Variants in SLC66A2 observed in about 807,000 individuals in gnomAD.
SLC66A2 encodes the protein PQ loop repeat containing 1.
SLC66A2 carries 23 observed loss-of-function variants against 25.5 expected under a neutral mutation model. The ratio of observed to expected loss-of-function variants is 0.90; its 90% CI spans 0.65 to 1.28. The LOEUF is 1.28. Among genes scored for constraint, SLC66A2 ranks in the 50% most tolerant of loss-of-function variants. SLC66A2 has a pLI of 0.00. For missense variants in SLC66A2, 396 were observed against 373.1 expected (o/e 1.06, Z -0.51); for synonymous variants, 193 against 166.5 (o/e 1.16, Z -1.23).
rs2145007508 is a variant in SLC66A2, at chr18:79,951,052, T to C, written c.-99-27A>G. On this transcript the variant is annotated intron_variant, in intron 1 of 5. Transcript: ENST00000397778. Reference sequence around the variant, plus strand: ...TGCGGGGAGCGGGGAGCTGCTCGAGTTCCGCCCAGGGAGGCTGGGGCGGCG... The same window carrying C: ...TGCGGGGAGCGGGGAGCTGCTCGAGCTCCGCCCAGGGAGGCTGGGGCGGCG... 6.1e-6 allele frequency: 4 copies of C among 651,384 alleles called. No individual in the cohort carries two copies. The East Asian group carries it at 1.5e-4, about 25-fold the overall frequency. The allele number at this position is 651,384 out of a possible 1,614,324, so 40.4% of individuals were successfully genotyped here. A position where few individuals can be genotyped will look rare whatever the true frequency, so the allele number is the denominator to read the frequency against.
intron 5 of SLC66A2, among the ~76,000 whole-genome samples, chr18:79,914,978 C>T (rs914393292): frequency 1.3e-5 from 2 of 152,232 alleles, no homozygotes; most frequent in African/African-American, 2.4e-5. Context: ...TGAAACGCGG[C>T]GTCAGAGCAG....
chr18:79,916,676 G>A (rs553761757), intron 5 of SLC66A2, among the ~76,000 whole-genome samples: 4 of 152,384 alleles, frequency 2.6e-5, no homozygotes, highest in African/African-American at 4.8e-5. Context: ...TCTGTGTGCC[G>A]TGAGGGCGGC....
In SLC66A2 at chr18:79,927,369, C is replaced by T. The variant is rs1178780566; in HGVS notation, c.391+6600G>A. 6.6e-6 allele frequency among the ~76,000 whole-genome samples: 1 copy of T among 151,948 alleles called. No homozygotes were observed. The highest frequency in any genetic ancestry group is 1.5e-5 in the Non-Finnish European group (1 of 67,998). ...TCTGGAGGGACCTGAGGGGCACAGG[C>T]TACAGTCAGGAGAGCACAGACAAGA... On this transcript the variant is annotated intron_variant, in intron 4 of 5. Coordinates refer to ENST00000397778, the MANE Select transcript of SLC66A2 (RefSeq NM_025078.5). The surrounding 1 kb of genome is among the most constrained non-coding windows in gnomAD (Gnocchi z 6.2).
chr18:79,945,536 A>C (rs949057873), intron 2 of SLC66A2, among the ~76,000 whole-genome samples: 1 of 152,224 alleles, frequency 6.6e-6, no homozygotes, highest in Non-Finnish European at 1.5e-5. Context: ...TTCCCGAGGA[A>C]GCCTCTGAGA....
At chr18:79,922,774 A>G (rs1985402523) in intron 4 of SLC66A2, among the ~76,000 whole-genome samples, 1 of 133,078 alleles carries the variant, frequency 7.5e-6, no homozygotes, top group Non-Finnish European at 1.6e-5. Flanking sequence ...GGGTGGGGTG[A>G]TGGGAGGCGG....
Position 79,933,962 on chromosome 18 carries a change from T to A in SLC66A2, c.391+7A>T. The A allele has an allele frequency of 6.2e-7, 1 of 1,610,796 alleles. No homozygotes were observed. The highest frequency in any genetic ancestry group is 8.5e-7 in the Non-Finnish European group (1 of 1,178,780). On this transcript the variant is annotated splice_region_variant and intron_variant, in intron 4 of 5. Coordinates refer to ENST00000397778, the MANE Select transcript of SLC66A2 (RefSeq NM_025078.5). Reference sequence around the variant, plus strand: ...TGCTGCGGACAGTGCACGCGCAGGGTACATACCCAGGAAGGACCGCCTGGG... The same window carrying A: ...TGCTGCGGACAGTGCACGCGCAGGGAACATACCCAGGAAGGACCGCCTGGG...
chr18:79,941,427 C>G lies in SLC66A2; in HGVS notation c.337+1902G>C, dbSNP rs1987658645. The G allele has an allele frequency of 6.6e-6, 1 of 152,244 alleles. No individual in the cohort carries two copies. The highest frequency in any genetic ancestry group is 2.4e-5 in the African/African-American group (1 of 41,448). The allele number at this position is 152,244 out of a possible 1,614,324, so 9.4% of individuals were successfully genotyped here. ...TCCCAGGATCAGGGCACGGACGTCT[C>G]CAGGGGCCATTATTCTGTACACCCA... On this transcript the variant is annotated intron_variant, in intron 3 of 5. Coordinates refer to ENST00000397778, the MANE Select transcript of SLC66A2 (RefSeq NM_025078.5). The surrounding 1 kb of genome is among the most constrained non-coding windows in gnomAD (Gnocchi z 4.1).
At position 79,927,903 on chromosome 18, in the gene SLC66A2, C is replaced by T. The variant is rs989025591; in HGVS notation, c.391+6066G>A. On this transcript the variant is annotated intron_variant, in intron 4 of 5. Transcript: ENST00000397778. This position sits in a 1 kb window ranked among gnomAD's most constrained non-coding sequence, Gnocchi z 6.2. ...AGCTGCTGAGACACATTCCTGCAGC[C>T]GCCTCAGCTAGAGCCAGGGAGGCCC... is the stretch of plus-strand genomic sequence containing the variant. 5.9e-5 allele frequency among the ~76,000 whole-genome samples: 9 copies of T among 152,364 alleles called. No individual in the cohort carries two copies. The East Asian group carries it at 1.2e-3, about 20-fold the overall frequency.
At chr18:79,922,825 A>G (rs1599571003) in intron 4 of SLC66A2, among the ~76,000 whole-genome samples, 1 of 35,196 alleles carries the variant, frequency 2.8e-5, no homozygotes, top group Non-Finnish European at 5.3e-5. Flanking sequence ...GTGAGGATAG[A>G]GGGATTGGGG....
intron 4 of SLC66A2, among the ~76,000 whole-genome samples, chr18:79,933,091 T>C (rs1176767939): frequency 1.3e-5 from 2 of 152,186 alleles, no homozygotes; most frequent in Non-Finnish European, 2.9e-5. Context: ...ATAAAAAGTG[T>C]TAGACACCAT....
rs909815104 is a variant in SLC66A2 at position 79,917,230 on chromosome 18, G to C, written c.608+1954C>G. ...ACTCGGGTTTGAAGAGGATTCCCAC[G>C]TCCCCCCAGCTGACGGGGCAGCCCC... is the stretch of plus-strand genomic sequence containing the variant. On this transcript the variant is annotated intron_variant, in intron 5 of 5. Transcript: ENST00000397778. The surrounding 1 kb of genome is among the most constrained non-coding windows in gnomAD (Gnocchi z 6.0). Among the ~76,000 whole-genome samples the C allele has an allele frequency of 6.6e-6, 1 of 152,208 alleles. No individual in the cohort carries two copies. Among genetic ancestry groups the C allele is most frequent in the Non-Finnish European group, 1.5e-5 (1 of 68,018 alleles).
chr18:79,950,388 A>T (rs2051077301), intron 2 of SLC66A2, among the ~76,000 whole-genome samples: 1 of 152,168 alleles, frequency 6.6e-6, no homozygotes, highest in South Asian at 2.1e-4. Flanking sequence ...ATACAACATG[A>T]AAAAGGAGGG....
rs549778292 is a variant in SLC66A2, at chr18:79,917,850, CT to C, written c.608+1333del. 1.4e-4 allele frequency among the ~76,000 whole-genome samples: 22 copies of C among 152,024 alleles called. 1 individual carries two copies. The South Asian group carries it at 4.6e-3, about 32-fold the overall frequency. On this transcript the variant is annotated intron_variant, in intron 5 of 5. Coordinates refer to ENST00000397778, the MANE Select transcript of SLC66A2 (RefSeq NM_025078.5). This position sits in a 1 kb window ranked among gnomAD's most constrained non-coding sequence, Gnocchi z 6.0. ...CCTGCACCCCACACCACACCCCAAC[CT>C]GTACCTACCTCACACCATGCCAGCA...
At chr18:79,934,110 G>A (rs1986843102) in intron 3 of SLC66A2, 88 bp from the exon 4 acceptor site, 7 of 998,488 alleles carry the variant, frequency 7.0e-6, no homozygotes, top group Admixed American at 5.8e-5. Flanking sequence ...TGTGTTCCCA[G>A]AACTTTTTGC....
chr18:79,929,127 G>A lies in SLC66A2; in HGVS notation c.391+4842C>T, dbSNP rs996828536. ...AGCCAGCAACTAAGAGGAGCTAGAA[G>A]CTCCATGATGAGCTCAAAGTTTATC... On this transcript the variant is annotated intron_variant, in intron 4 of 5. Transcript: ENST00000397778. Among the ~76,000 whole-genome samples the A allele has an allele frequency of 2.6e-5, 4 of 152,294 alleles. No individual in the cohort carries two copies. In the East Asian group the frequency reaches 5.8e-4, roughly 22 times the overall value.
At chr18:79,934,266 G>A (rs560496542) in intron 3 of SLC66A2, among the ~76,000 whole-genome samples, 53 of 152,222 alleles carry the variant, frequency 3.5e-4, no homozygotes, top group Middle Eastern at 6.8e-3. Flanking sequence ...GAGAATGGGA[G>A]AAAAATTGAG....
At position 79,940,365 on chromosome 18, in the gene SLC66A2, G is replaced by A. The variant is rs2144928176; in HGVS notation, c.337+2964C>T. Among the ~76,000 whole-genome samples the A allele has an allele frequency of 6.6e-6, 1 of 152,276 alleles. No individual in the cohort carries two copies. The highest frequency in any genetic ancestry group is 6.5e-5 in the Admixed American group (1 of 15,308). ...CGCCCGTAATGCCAGCACTTCGGGAGGCCAAGGTGGGTGGATCACTTGAGG... is the reference window on the plus strand; with the variant it reads ...CGCCCGTAATGCCAGCACTTCGGGAAGCCAAGGTGGGTGGATCACTTGAGG... On this transcript the variant is annotated intron_variant, in intron 3 of 5. Coordinates refer to ENST00000397778, the MANE Select transcript of SLC66A2 (RefSeq NM_025078.5). This position sits in a 1 kb window ranked among gnomAD's most constrained non-coding sequence, Gnocchi z 4.1.
chr18:79,933,910 A>T, intron 4 of SLC66A2, 59 bp downstream of exon 4: 1 of 1,440,808 alleles, frequency 6.9e-7, no homozygotes, highest in Non-Finnish European at 9.7e-7. Context: ...GAGGAAGTAC[A>T]GCTGCAGGAA....
Position 79,903,776 on chromosome 18 carries a change from C to A in SLC66A2, c.*200G>T, listed in dbSNP as rs1054005683. The A allele has an allele frequency of 3.4e-5, 19 of 555,676 alleles. No individual in the cohort carries two copies. Among genetic ancestry groups the A allele is most frequent in the Non-Finnish European group, 5.6e-5 (18 of 319,702 alleles). 34.4% of individuals were successfully genotyped at this position (555,676 alleles called of 1,614,324 possible). ...TCGGGGCCAGATCAACCCTGGCTGT[C>A]CCCGCTGAGCACAAACAGCGTCCCA... On this transcript the variant is annotated 3_prime_UTR_variant, in exon 6 of 6. Coordinates refer to ENST00000397778, the MANE Select transcript of SLC66A2 (RefSeq NM_025078.5).
Sources: gnomAD v4.1 joint callset for allele counts (sites outside exome capture counted in the v4.1 genomes callset) on GRCh38, gnomAD v4.1.1 for gene constraint, Gnocchi (gnomAD v3.1) non-coding constraint, MANE v1.5 for transcripts, NCBI Gene and HGNC (gene_info 2026-07-23, HGNC 2026-07-21) for gene names.